Variants in PLXND1 observed in about 807,000 individuals in gnomAD.
PLXND1 encodes plexin-D1.
In PLXND1, 54 loss-of-function variants were observed where a neutral mutation model predicts 197.7. That is an observed-to-expected ratio of 0.27 (90% confidence interval 0.22 to 0.34). The LOEUF is 0.34. Among genes scored for constraint, PLXND1 ranks in the 10% least tolerant of loss-of-function variants. The pLI is 1.00. For synonymous variants in PLXND1, 1,180 were observed against 1,161.2 expected (o/e 1.02, Z -0.33); for missense variants, 2,127 against 2,699.2 (o/e 0.79, Z 4.70).
At chr3:129,589,310 T>TCCCTCCCC in intron 2 of PLXND1, 41 bp downstream of exon 2, 1 of 501,294 alleles carries the variant, frequency 2.0e-6, no homozygotes, top group African/African-American at 2.2e-5. Context: ...CAGGGGAGCC[T>TCCCTCCCC]CCCACCCCCA....
chr3:129,571,953 G>T lies in PLXND1; in HGVS notation c.3078-109C>A, dbSNP rs151168714. ...CCACGCACTTGGCCTGGGGTTCAAG[G>T]CCTCCTTGACTGGTCCCAACTCATC... On this transcript the variant is annotated intron_variant, in intron 15 of 35. Coordinates refer to ENST00000324093, the MANE Select transcript of PLXND1 (RefSeq NM_015103.3). 4.6e-4 allele frequency: 481 copies of T among 1,054,670 alleles called. 1 individual carries two copies. The African/African-American group carries it at 6.2e-3, about 13-fold the overall frequency. 65.3% of individuals were successfully genotyped at this position (1,054,670 alleles called of 1,614,324 possible). A position where few individuals can be genotyped will look rare whatever the true frequency, so the allele number is the denominator to read the frequency against.
intron 2 of PLXND1, among the ~76,000 whole-genome samples, chr3:129,588,468 G>A (rs914346319): frequency 1.5e-5 from 2 of 135,862 alleles, no homozygotes; most frequent in African/African-American, 2.7e-5. Context: ...GCCAGACTCC[G>A]AATGTGAGTA....
At chr3:129,570,561 T>C in intron 19 of PLXND1, 2 of 582,934 alleles carry the variant, frequency 3.4e-6, no homozygotes, top group Non-Finnish European at 6.1e-6. Flanking sequence ...TTTCTGATGG[T>C]CCAGGTCCAG....
intron 8 of PLXND1, among the ~76,000 whole-genome samples, chr3:129,583,113 G>A (rs1054585447): frequency 2.0e-5 from 3 of 152,218 alleles, no homozygotes; most frequent in African/African-American, 7.2e-5. Flanking sequence ...TAAGGCCCAA[G>A]TCTGGTACTG....
At chr3:129,598,589 G>A (rs1327060554) in intron 1 of PLXND1, among the ~76,000 whole-genome samples, 3 of 152,142 alleles carry the variant, frequency 2.0e-5, no homozygotes, top group Admixed American at 6.5e-5. Flanking sequence ...CATGATGGGC[G>A]CTGGGGCTGG....
chr3:129,588,510 G>C (rs1039506591), intron 2 of PLXND1, among the ~76,000 whole-genome samples: 21 of 152,184 alleles, frequency 1.4e-4, no homozygotes, highest in Non-Finnish European at 3.1e-4. Flanking sequence ...CCATTGACGA[G>C]CCCCACATTT....
At chr3:129,573,279 C>T (rs1244408299) in intron 13 of PLXND1, among the ~76,000 whole-genome samples, 2 of 151,978 alleles carry the variant, frequency 1.3e-5, no homozygotes, top group Admixed American at 1.3e-4. Context: ...GCCAGTAGCC[C>T]CAGCCTTTTT....
rs2084963623 is a variant in PLXND1 at position 129,555,677 on chromosome 3, C to T, written c.*635G>A. ...CTCCCAGCTCCTGTGCCCCCCATCC[C>T]TCCCCTCCACCCTCCCTGCTCCTGG... On this transcript the variant is annotated 3_prime_UTR_variant, in exon 36 of 36. Coordinates refer to ENST00000324093, the MANE Select transcript of PLXND1 (RefSeq NM_015103.3). 3.7e-6 allele frequency: 2 copies of T among 543,296 alleles called. No individual in the cohort carries two copies. The allele number at this position is 543,296 out of a possible 1,614,324, so 33.7% of individuals were successfully genotyped here. A position where few individuals can be genotyped will look rare whatever the true frequency, so the allele number is the denominator to read the frequency against.
rs773338150 is a variant in PLXND1, at chr3:129,589,566, C to T, written c.1312-39G>A. 95 of 1,501,834 alleles carry T rather than the reference C, an allele frequency of 6.3e-5. No individual in the cohort carries two copies. In the African/African-American group the frequency reaches 1.2e-3, roughly 20 times the overall value. 93.0% of individuals were successfully genotyped at this position (1,501,834 alleles called of 1,614,324 possible). A position where few individuals can be genotyped will look rare whatever the true frequency, so the allele number is the denominator to read the frequency against. On this transcript the variant is annotated intron_variant, in intron 1 of 35. Transcript: ENST00000324093. ...GGCACGTCAGATCCCAGCTCCAGAACCTTCTCCGGCTCCCCGCCCGCACAG... is the reference window on the plus strand; with the variant it reads ...GGCACGTCAGATCCCAGCTCCAGAATCTTCTCCGGCTCCCCGCCCGCACAG...
At chr3:129,567,403 G>A (rs1451248176) in intron 22 of PLXND1, 89 bp downstream of exon 22, 4 of 774,120 alleles carry the variant, frequency 5.2e-6, no homozygotes, top group South Asian at 1.5e-5. Flanking sequence ...CACTGCTCAA[G>A]GGACCCTATA....
intron 8 of PLXND1, among the ~76,000 whole-genome samples, chr3:129,581,288 C>T (rs532467213): frequency 2.0e-5 from 3 of 152,322 alleles, no homozygotes; most frequent in Non-Finnish European, 2.9e-5. Flanking sequence ...GCTGCCTCTT[C>T]GGCTAGTTAC....
chr3:129,601,765 C>G (rs115853741), intron 1 of PLXND1, among the ~76,000 whole-genome samples: 27 of 152,288 alleles, frequency 1.8e-4, no homozygotes, highest in African/African-American at 6.3e-4. Context: ...TCCATCCCAT[C>G]ACTCCCCACC....
intron 25 of PLXND1, among the ~76,000 whole-genome samples, chr3:129,563,497 C>T (rs572375284): frequency 6.6e-6 from 1 of 152,372 alleles, no homozygotes; most frequent in South Asian, 2.1e-4. Flanking sequence ...TCTTACTGTG[C>T]AGCCAACAGT....
In PLXND1 at chr3:129,574,395, G is replaced by C; in HGVS notation, c.2626C>G (p.Arg876Gly). 1 of 1,612,398 alleles carries C rather than the reference G, an allele frequency of 6.2e-7. No homozygotes were observed. The highest frequency in any genetic ancestry group is 8.5e-7 in the Non-Finnish European group (1 of 1,179,704). The change falls in exon 12 of 36, where the codon CGC becomes GGC. Residue 876 changes from arginine to glycine, a missense_variant. Arg to Gly is a moderately radical substitution (Grantham distance 125). Coordinates refer to ENST00000324093, the MANE Select transcript of PLXND1 (RefSeq NM_015103.3). ...ATGGGCTGCAGAGGCCCCCGCAGGC[G>C]GCAGCCATCACTCCACATGCACAGG... ...GHLCMWSDGC[R>G]LRGPLQPMAG...
chr3:129,561,831 C>T lies in PLXND1; in HGVS notation c.4898G>A (p.Arg1633His), dbSNP rs769768899. The T allele has an allele frequency of 1.5e-5, 24 of 1,613,652 alleles. No homozygotes were observed. The highest frequency in any genetic ancestry group is 3.3e-5 in the Admixed American group (2 of 60,000). The change falls in exon 28 of 36, where the codon CGC becomes CAC. Residue 1633 changes from arginine (R) to histidine (H), a missense_variant. Physicochemically the swap from Arg to His is conservative, Grantham distance 29 (BLOSUM62 0). Transcript: ENST00000324093. ...ATGGGCCAGCGTGTTAAGCTTCTTG[C>T]GGCCGTCTTCCACCACTGAGGTGTC... Reference protein sequence around the residue: ...LDDTSVVEDGRKKLNTLAHYK... With the variant: ...LDDTSVVEDGHKKLNTLAHYK...
In PLXND1 at chr3:129,572,630, G is replaced by C; in HGVS notation, c.3056C>G (p.Thr1019Arg). The C allele has an allele frequency of 6.3e-7, 1 of 1,585,326 alleles. No homozygotes were observed. Among genetic ancestry groups the C allele is most frequent in the South Asian group, 1.2e-5 (1 of 85,444 alleles). ...GSELQVLVND[T>R]DPCTELMRTD... The stretch of plus-strand genomic sequence containing the variant: ...TTACATCAGCTCCGTGCAGGGGTCT[G>C]TGTCGTTCACCAGGACCTGGAGCTC... The change falls in exon 15 of 36, where the codon ACA (threonine) becomes AGA (arginine). Residue 1019 changes from threonine (T) to arginine (R), a missense_variant. Thr to Arg is a moderately conservative substitution (Grantham distance 71). This residue lies in a region of PLXND1 where 1,095 missense variants were observed against 1,259.8 expected (regional missense o/e 0.87). Coordinates refer to ENST00000324093, the MANE Select transcript of PLXND1 (RefSeq NM_015103.3).
rs535170188 is a variant in PLXND1 at position 129,560,752 on chromosome 3, C to CATGGG, written c.4994-30_4994-29insCCCAT. 901 of 1,363,498 alleles carry CATGGG rather than the reference C, an allele frequency of 6.6e-4. 6 individuals are homozygous for CATGGG. The South Asian group carries it at 7.8e-3, about 12-fold the overall frequency. 84.5% of individuals were successfully genotyped at this position (1,363,498 alleles called of 1,614,324 possible). A position where few individuals can be genotyped will look rare whatever the true frequency, so the allele number is the denominator to read the frequency against. On this transcript the variant is annotated intron_variant, in intron 29 of 35. Transcript: ENST00000324093. ...TGAGAGGAAAAACACAATAAATAAA[C>CATGGG]ACGGGAGAGGAGAGGAGAGAAACAG...
At chr3:129,561,481 A>G (rs2085059429) in intron 29 of PLXND1, among the ~76,000 whole-genome samples, 165 bp downstream of exon 29, 1 of 152,120 alleles carries the variant, frequency 6.6e-6, no homozygotes, top group African/African-American at 2.4e-5. Context: ...GCCCTGCCCC[A>G]GCAGTACTGG....
At chr3:129,583,420 C>A in intron 8 of PLXND1, 147 bp downstream of exon 8, 1 of 607,688 alleles carries the variant, frequency 1.6e-6, no homozygotes, top group Non-Finnish European at 3.0e-6. Flanking sequence ...GGGTTAAACG[C>A]ACCGTGGTAT....
Sources: gnomAD v4.1 joint callset for allele counts (sites outside exome capture counted in the v4.1 genomes callset) on GRCh38, gnomAD v4.1.1 for gene constraint, gnomAD v4.1.1 regional missense constraint, MANE v1.5 for transcripts, NCBI Gene and HGNC (gene_info 2026-07-23, HGNC 2026-07-21) for gene names.